The following SEC14L5 variants were observed in gnomAD, a reference collection of about 807,000 sequenced individuals.
SEC14L5 encodes the protein SEC14 like lipid binding 5.
Under a neutral mutation model 84.6 loss-of-function variants are expected in SEC14L5, and 96 were observed. That is an observed-to-expected ratio of 1.13 (90% CI 0.96 to 1.34). The LOEUF is 1.34. SEC14L5 is among the 40% of genes most tolerant of loss of function. The pLI is 0.00. For missense variants in SEC14L5, 1,224 were observed against 942.5 expected (o/e 1.30, Z -3.91); for synonymous variants, 546 against 383.4 (o/e 1.42, Z -4.95).
At chr16:4,959,464 A>C in intron 2 of SEC14L5, 78 bp downstream of exon 2, 2 of 1,230,980 alleles carry the variant, frequency 1.6e-6, no homozygotes, top group South Asian at 1.2e-5. Flanking sequence ...AGGAAGACGG[A>C]GCTCCTTAGA....
At chr16:4,981,486 AGAAG>A (rs1955423427) in intron 2 of SEC14L5, among the ~76,000 whole-genome samples, 1 of 151,994 alleles carries the variant, frequency 6.6e-6, no homozygotes, top group African/African-American at 2.4e-5. Flanking sequence ...ACTGAGCAGT[AGAAG>A]GAAGGGGAGA....
chr16:5,004,653 G>A (rs1043837833), intron 11 of SEC14L5, among the ~76,000 whole-genome samples: 7 of 152,138 alleles, frequency 4.6e-5, no homozygotes, highest in African/African-American at 1.7e-4. Flanking sequence ...AGCGCAGTGG[G>A]GCTGGGGACA....
At chr16:4,989,443 TGCCTCAGATTCTCAC>T (rs1484100208) in intron 4 of SEC14L5, among the ~76,000 whole-genome samples, 1 of 152,082 alleles carries the variant, frequency 6.6e-6, no homozygotes, top group Non-Finnish European at 1.5e-5. Flanking sequence ...AGGATTCTCT[TGCCTCAGATTCTCAC>T]GCCTCAGATT....
intron 12 of SEC14L5, among the ~76,000 whole-genome samples, chr16:5,006,582 C>G (rs986021847): frequency 1.3e-5 from 2 of 152,040 alleles, no homozygotes; most frequent in Non-Finnish European, 2.9e-5. Context: ...GGTCACAACT[C>G]TGTCATCTCA....
At chr16:4,989,894 A>T (rs1955534381) in intron 4 of SEC14L5, among the ~76,000 whole-genome samples, 1 of 152,084 alleles carries the variant, frequency 6.6e-6, no homozygotes, top group Admixed American at 6.5e-5. Context: ...TGCATATTTT[A>T]ACAGACTCCT....
Position 5,015,843 on chromosome 16 carries a change from G to C in SEC14L5, c.*873G>C, listed in dbSNP as rs942024644. 6.6e-6 allele frequency: 1 copy of C among 152,288 alleles called. No homozygotes were observed. The highest frequency in any genetic ancestry group is 2.4e-5 in the African/African-American group (1 of 41,468). The allele number at this position is 152,288 out of a possible 1,614,324, so 9.4% of individuals were successfully genotyped here. A position where few individuals can be genotyped will look rare whatever the true frequency, so the allele number is the denominator to read the frequency against. ...TGAAAATCCATGTTCCCTGCACTTG[G>C]CCAGCATGGCCTAAGCCTGACCATC... On this transcript the variant is annotated 3_prime_UTR_variant, in exon 16 of 16. Transcript: ENST00000251170.
At chr16:4,960,691 C>T (rs891230342) in intron 2 of SEC14L5, 1 of 152,178 alleles carries the variant, frequency 6.6e-6, no homozygotes, top group Admixed American at 6.5e-5. Flanking sequence ...CCATGAGCCT[C>T]CACTCCCCAT....
chr16:4,984,163 C>T (rs924375875), intron 2 of SEC14L5, among the ~76,000 whole-genome samples: 2 of 152,134 alleles, frequency 1.3e-5, no homozygotes, highest in African/African-American at 4.8e-5. Flanking sequence ...CTGCCTTAAC[C>T]CTCATCCCTC....
At position 5,000,751 on chromosome 16, in the gene SEC14L5, A is replaced by C; in HGVS notation, c.1059+8A>C. On this transcript the variant is annotated splice_region_variant and intron_variant, in intron 9 of 15. Coordinates refer to ENST00000251170, the MANE Select transcript of SEC14L5 (RefSeq NM_014692.2). ...GAGGCGCTGCTGCGGCATGTGAGTC[A>C]GGGGCCTCGTTCCTGGACGCCGTGC... 1 of 1,553,696 alleles carries C rather than the reference A, an allele frequency of 6.4e-7. No individual in the cohort carries two copies. The highest frequency in any genetic ancestry group is 8.7e-7 in the Non-Finnish European group (1 of 1,148,368).
chr16:4,961,476 A>C (rs1197819111), intron 2 of SEC14L5, among the ~76,000 whole-genome samples: 1 of 152,094 alleles, frequency 6.6e-6, no homozygotes, highest in African/African-American at 2.4e-5. Context: ...TTACAGATGC[A>C]CACCACCATG....
At chr16:4,966,561 A>G (rs1034600691) in intron 2 of SEC14L5, among the ~76,000 whole-genome samples, 2 of 152,180 alleles carry the variant, frequency 1.3e-5, no homozygotes, top group African/African-American at 4.8e-5. Context: ...GGCGTGAGCC[A>G]CCGTGCCCAG....
At chr16:4,986,471 A>T (rs1167025508) in intron 2 of SEC14L5, among the ~76,000 whole-genome samples, 1 of 152,170 alleles carries the variant, frequency 6.6e-6, no homozygotes, top group Non-Finnish European at 1.5e-5. Flanking sequence ...AAATCAGGAA[A>T]TATGAGTTCT....
At chr16:5,013,232 C>G (rs11645285) in intron 15 of SEC14L5, among the ~76,000 whole-genome samples, 10,546 of 152,186 alleles carry the variant, frequency 0.069, 514 homozygotes, top group Non-Finnish European at 0.11. Flanking sequence ...AGCCACCCAG[C>G]CAGGAGGTGC....
intron 12 of SEC14L5, among the ~76,000 whole-genome samples, chr16:5,006,855 G>C (rs1955737497): frequency 6.6e-6 from 1 of 151,936 alleles, no homozygotes; most frequent in Admixed American, 6.6e-5. Context: ...GGTAATCATT[G>C]TTTGGTGGTG....
chr16:4,967,143 T>C (rs1227902561), intron 2 of SEC14L5, among the ~76,000 whole-genome samples: 3 of 152,208 alleles, frequency 2.0e-5, no homozygotes, highest in African/African-American at 7.2e-5. Context: ...ATTGCCTCAC[T>C]GTTCTGGAGG....
In SEC14L5 at chr16:4,997,289, G is replaced by A. The variant is rs558223165; in HGVS notation, c.970+245G>A. ...AATTTTTTGTATTTTTAGTAGAGAT[G>A]AGGTTTTGCCATTTTGACCAGGCTG... On this transcript the variant is annotated intron_variant, in intron 8 of 15. Coordinates refer to ENST00000251170, the MANE Select transcript of SEC14L5 (RefSeq NM_014692.2). Among the ~76,000 whole-genome samples, 361 of 152,304 alleles carry A rather than the reference G, an allele frequency of 2.4e-3. 1 individual carries two copies. Among genetic ancestry groups the A allele is most frequent in the Non-Finnish European group, 3.8e-3 (258 of 68,026 alleles).
intron 15 of SEC14L5, among the ~76,000 whole-genome samples, chr16:5,013,880 A>T (rs1033658661): frequency 1.3e-5 from 2 of 151,720 alleles, no homozygotes; most frequent in East Asian, 3.9e-4. Context: ...TTTTGTAGAG[A>T]TGGGGTCTCA....
At chr16:5,005,467 AGAGGT>A (rs2142525933) in intron 11 of SEC14L5, among the ~76,000 whole-genome samples, 1 of 152,226 alleles carries the variant, frequency 6.6e-6, no homozygotes, top group South Asian at 2.1e-4. Context: ...ATGTCTAGGT[AGAGGT>A]GCTGGCTGCA....
At chr16:5,004,498 C>A (rs1955710294) in intron 11 of SEC14L5, among the ~76,000 whole-genome samples, 1 of 151,966 alleles carries the variant, frequency 6.6e-6, no homozygotes, top group South Asian at 2.1e-4. Context: ...AAGGAGAGAC[C>A]CCAAGCACCA....
Sources: gnomAD v4.1 joint callset for allele counts (sites outside exome capture counted in the v4.1 genomes callset) on GRCh38, gnomAD v4.1.1 for gene constraint, MANE v1.5 for transcripts, NCBI Gene and HGNC (gene_info 2026-07-23, HGNC 2026-07-21) for gene names.